CEP85L: variants seen among roughly 807,000 people sequenced by gnomAD.
CEP85L encodes the protein centrosomal protein 85L.
A neutral mutation model predicts 100.3 loss-of-function variants in CEP85L; 60 were observed. The observed-to-expected ratio is 0.60, with a 90% CI of 0.49 to 0.74. The LOEUF (loss-of-function observed/expected upper bound fraction) is 0.74, where lower values mean the gene tolerates loss of function less well. CEP85L is among the 30% of genes least tolerant of loss of function. The pLI is 0.00. For missense variants in CEP85L, 973 were observed against 936.2 expected (o/e 1.04, Z -0.51); for synonymous variants, 319 against 322.7 (o/e 0.99, Z 0.12).
intron 1 of CEP85L, among the ~76,000 whole-genome samples, chr6:118,670,183 T>C (rs1267846972): frequency 2.0e-5 from 3 of 151,904 alleles, no homozygotes; most frequent in Admixed American, 6.6e-5. Context: ...TGTGACTTGC[T>C]TTGACTGAAG....
intron 2 of CEP85L, among the ~76,000 whole-genome samples, chr6:118,601,455 G>A (rs943038357): frequency 2.0e-5 from 3 of 152,072 alleles, no homozygotes; most frequent in African/African-American, 4.8e-5. Flanking sequence ...AATGTTTATC[G>A]ATCAATTTCC....
chr6:118,531,080 G>A (rs886387469), intron 3 of CEP85L, among the ~76,000 whole-genome samples: 3 of 152,114 alleles, frequency 2.0e-5, no homozygotes, highest in Admixed American at 1.3e-4. Context: ...AAAGTTGGAG[G>A]TATAACGTTA....
At chr6:118,686,421 C>T (rs1160751265) in intron 1 of CEP85L, among the ~76,000 whole-genome samples, 2 of 152,056 alleles carry the variant, frequency 1.3e-5, no homozygotes, top group African/African-American at 4.8e-5. Flanking sequence ...CTGCTTTCTC[C>T]ATATATAGAT....
At chr6:118,579,384 A>C (rs555083) in intron 2 of CEP85L, among the ~76,000 whole-genome samples, 144,765 of 151,242 alleles carry the variant, frequency 0.96, 69,301 homozygotes, top group South Asian at 0.97. Context: ...AAAAACAGTG[A>C]CTTTTTACAT....
intron 11 of CEP85L, among the ~76,000 whole-genome samples, chr6:118,470,029 T>A (rs1207939916): frequency 6.6e-6 from 1 of 152,186 alleles, no homozygotes; most frequent in Non-Finnish European, 1.5e-5. Flanking sequence ...AACTACTTTT[T>A]GCATATTGGT....
intron 4 of CEP85L, among the ~76,000 whole-genome samples, chr6:118,516,798 G>T (rs1329140593): frequency 6.6e-6 from 1 of 152,154 alleles, no homozygotes; most frequent in Non-Finnish European, 1.5e-5. Context: ...TGCTTTTGGT[G>T]TTTTAGACAT....
At chr6:118,652,882 G>C (rs1775645504), upstream of CEP85L, 1 of 621,882 alleles carries the variant, frequency 1.6e-6, no homozygotes, top group African/African-American at 1.9e-5. Flanking sequence ...ATGTGCACTA[G>C]CTCGTTTTAT....
At chr6:118,651,707 GGAC>G, upstream of CEP85L, 1 of 965,208 alleles carries the variant, frequency 1.0e-6, no homozygotes, top group Non-Finnish European at 1.2e-6. Context: ...CGGGGGGCGG[GGAC>G]TGCGGGGGGC....
chr6:118,670,434 C>CT (rs763307780), intron 1 of CEP85L, among the ~76,000 whole-genome samples: 553 of 149,620 alleles, frequency 3.7e-3, no homozygotes, highest in Non-Finnish European at 4.7e-3. Flanking sequence ...TTTGTGTTTC[C>CT]TTTTGTTGTT....
chr6:118,527,002 CTTTTTTTTTTTTTTT>C (rs764883723), intron 3 of CEP85L, among the ~76,000 whole-genome samples: 1 of 98,710 alleles, frequency 1.0e-5, no homozygotes, highest in Non-Finnish European at 1.9e-5. Context: ...TTTACTTTTT[CTTTTTTTTTTTTTTT>C]TTTTTTTTTT....
intron 2 of CEP85L, among the ~76,000 whole-genome samples, chr6:118,581,359 G>A (rs370531195): frequency 1.2e-4 from 19 of 152,158 alleles, no homozygotes; most frequent in African/African-American, 4.6e-4. Flanking sequence ...AGGATATAGA[G>A]TTCAATCTAG....
intron 7 of CEP85L, among the ~76,000 whole-genome samples, chr6:118,482,653 T>C (rs1028959547): frequency 1.3e-5 from 2 of 152,162 alleles, no homozygotes; most frequent in African/African-American, 4.8e-5. Context: ...AATAATCACA[T>C]TATAAACATG....
chr6:118,553,215 T>TAAAAAAAA (rs59502810), intron 3 of CEP85L, among the ~76,000 whole-genome samples: 4 of 138,940 alleles, frequency 2.9e-5, no homozygotes, highest in Non-Finnish European at 3.1e-5. Flanking sequence ...GTTAAGAAAT[T>TAAAAAAAA]AAAAAAAAAA....
chr6:118,544,776 T>C (rs1026957930), intron 3 of CEP85L, among the ~76,000 whole-genome samples: 9 of 152,296 alleles, frequency 5.9e-5, no homozygotes, highest in Middle Eastern at 3.4e-3. Context: ...CTAAGCTTTA[T>C]AGGTTACTTT....
In CEP85L at chr6:118,470,587, G is replaced by C. The variant is rs200926586; in HGVS notation, c.1972C>G (p.Leu658Val). The C allele has an allele frequency of 3.8e-5, 61 of 1,606,140 alleles. No individual in the cohort carries two copies. Among genetic ancestry groups the C allele is most frequent in the Non-Finnish European group, 5.2e-5 (61 of 1,176,124 alleles). ...KLTTQKMMEE[L>V]EKKERNVQRL... ...TGTACATTTCTTTCTTTCTTTTCCA[G>C]CTCTTCCATCATCTTTTGAGTGGTC... is the stretch of plus-strand genomic sequence containing the variant. Residue 658 changes from leucine (L) to valine (V), a missense_variant, in exon 11 of 13, where the codon CTG becomes GTG. Coordinates refer to ENST00000368491, the MANE Select transcript of CEP85L (RefSeq NM_001042475.3).
intron 2 of CEP85L, among the ~76,000 whole-genome samples, chr6:118,579,959 C>T (rs1251228515): frequency 1.3e-5 from 2 of 152,178 alleles, no homozygotes; most frequent in African/African-American, 4.8e-5. Context: ...CCACATATCC[C>T]CACGTGTGTA....
intron 10 of CEP85L, among the ~76,000 whole-genome samples, chr6:118,475,689 CT>C (rs1439121315): frequency 6.6e-6 from 1 of 152,070 alleles, no homozygotes; most frequent in Non-Finnish European, 1.5e-5. Flanking sequence ...TGCTTGAGTT[CT>C]TTGGCTTCTA....
At chr6:118,630,181 A>G (rs1024523938) in intron 2 of CEP85L, among the ~76,000 whole-genome samples, 13 of 152,240 alleles carry the variant, frequency 8.5e-5, no homozygotes, top group Non-Finnish European at 1.9e-4. Flanking sequence ...TAAACCTAAA[A>G]CGCATGTGTG....
chr6:118,557,457 C>T (rs1330315644), intron 3 of CEP85L, among the ~76,000 whole-genome samples: 2 of 152,178 alleles, frequency 1.3e-5, no homozygotes, highest in South Asian at 2.1e-4. Flanking sequence ...TTTGTTATAA[C>T]ATTTAAGTAT....
Sources: allele counts gnomAD v4.1 joint callset (sites outside exome capture counted in the v4.1 genomes callset), GRCh38; gene constraint gnomAD v4.1.1; transcripts MANE v1.5; gene names NCBI Gene and HGNC (gene_info 2026-07-23, HGNC 2026-07-21).